The following RIC1 variants were observed in gnomAD, a reference collection of about 807,000 sequenced individuals.
The protein encoded by RIC1 is guanine nucleotide exchange factor subunit RIC1.
Under a neutral mutation model 169.0 loss-of-function variants are expected in RIC1, and 88 were observed. The observed-to-expected ratio is 0.52, with a 90% CI of 0.44 to 0.62. The LOEUF is 0.62. Among genes scored for constraint, RIC1 ranks in the 20% least tolerant of loss-of-function variants. RIC1 has a pLI of 0.00. For synonymous variants in RIC1, 790 were observed against 601.5 expected, an observed-to-expected ratio of 1.31 and a Z score of -4.59; for missense variants, 1,877 against 1,725.5, an observed-to-expected ratio of 1.09 and a Z score of -1.56.
intron 1 of RIC1, among the ~76,000 whole-genome samples, chr9:5,636,672 C>G (rs1392997590): frequency 6.6e-6 from 1 of 152,116 alleles, no homozygotes; most frequent in Non-Finnish European, 1.5e-5. Flanking sequence ...AGAAACACAA[C>G]TTATTCTTGT....
chr9:5,731,562 T>TA (rs1286813582), intron 6 of RIC1, among the ~76,000 whole-genome samples: 3 of 152,180 alleles, frequency 2.0e-5, no homozygotes, highest in African/African-American at 4.8e-5. Context: ...CTAACTGAAC[T>TA]AATGATTATG....
chr9:5,641,429 G>A (rs1297782966), intron 1 of RIC1, among the ~76,000 whole-genome samples: 2 of 152,050 alleles, frequency 1.3e-5, no homozygotes, highest in African/African-American at 4.8e-5. Context: ...TCTGCTTGGC[G>A]TTCTGTAACC....
rs187523403 is a variant in RIC1 at position 5,694,932 on chromosome 9, G to A, written c.332+4894G>A. ...ATTTTGTCCAGCTCTAGGCACTGTT[G>A]TAGATACTAGAGATCTAACAGTGGA... On this transcript the variant is annotated intron_variant, in intron 3 of 25. Coordinates refer to ENST00000414202, the MANE Select transcript of RIC1 (RefSeq NM_020829.4). Among the ~76,000 whole-genome samples, 8 of 152,034 alleles carry A rather than the reference G, an allele frequency of 5.3e-5. No homozygotes were observed. In the East Asian group the frequency reaches 5.8e-4, roughly 11 times the overall value.
intron 6 of RIC1, among the ~76,000 whole-genome samples, chr9:5,731,750 T>C (rs1824381947): frequency 6.6e-6 from 1 of 152,156 alleles, no homozygotes. Context: ...TCCTAAATAG[T>C]TTACATGTGT....
intron 3 of RIC1, among the ~76,000 whole-genome samples, chr9:5,702,455 G>A (rs996516767): frequency 5.9e-5 from 9 of 152,162 alleles, no homozygotes; most frequent in African/African-American, 9.7e-5. Context: ...CCTCTTACAC[G>A]GCCAGAGCAG....
intron 8 of RIC1, among the ~76,000 whole-genome samples, chr9:5,740,250 A>G (rs537325036): frequency 6.6e-6 from 1 of 152,172 alleles, no homozygotes; most frequent in Admixed American, 6.5e-5. Flanking sequence ...GCATAACTCT[A>G]TATAAACAGT....
At chr9:5,721,978 T>C (rs942024824) in intron 6 of RIC1, among the ~76,000 whole-genome samples, 1 of 151,388 alleles carries the variant, frequency 6.6e-6, no homozygotes, top group Admixed American at 6.6e-5. Flanking sequence ...AACCTCCGCC[T>C]CTCGGGTTCA....
At chr9:5,715,155 A>C (rs1823155651) in intron 4 of RIC1, among the ~76,000 whole-genome samples, 1 of 152,200 alleles carries the variant, frequency 6.6e-6, no homozygotes, top group Admixed American at 6.5e-5. Context: ...CCTTGGTCAC[A>C]AGGTTATTCA....
intron 2 of RIC1, among the ~76,000 whole-genome samples, chr9:5,684,046 C>T (rs971140692): frequency 6.6e-6 from 1 of 152,134 alleles, no homozygotes; most frequent in Non-Finnish European, 1.5e-5. Context: ...CGTCTGTCAC[C>T]CCTTTCTTTG....
chr9:5,718,169 T>A (rs1481073358), intron 4 of RIC1, among the ~76,000 whole-genome samples: 2 of 99,538 alleles, frequency 2.0e-5, no homozygotes, highest in East Asian at 1.3e-3. Flanking sequence ...AAAAAAAAGT[T>A]CAGTTCTTGC....
At position 5,765,466 on chromosome 9, in the gene RIC1, C is replaced by A; in HGVS notation, c.2894C>A (p.Thr965Lys). The change falls in exon 20 of 26, where the codon ACA becomes AAA. Residue 965 changes from threonine (T) to lysine (K), a missense_variant. Thr to Lys is a moderately conservative substitution (Grantham distance 78, BLOSUM62 -1). This residue lies in a region of RIC1 where 681 missense variants were observed against 582.0 expected (regional missense o/e 1.17). Transcript: ENST00000414202. Reference protein sequence around the residue: ...SRQHATLLFNTALEQGKWDLC... With the variant: ...SRQHATLLFNKALEQGKWDLC... ...CAACATGCTACCCTTCTATTCAACA[C>A]AGCACTAGAACAAGGCAAGTGGGAC... is the stretch of plus-strand genomic sequence containing the variant. The A allele has an allele frequency of 1.2e-6, 2 of 1,614,172 alleles. No homozygotes were observed. Among genetic ancestry groups the A allele is most frequent in the South Asian group, 1.1e-5 (1 of 91,090 alleles).
chr9:5,738,540 TGA>T lies in RIC1; in HGVS notation c.901+4_901+5del, dbSNP rs1472695374. On this transcript the variant is annotated splice_donor_region_variant and intron_variant, in intron 8 of 25. Coordinates refer to ENST00000414202, the MANE Select transcript of RIC1 (RefSeq NM_020829.4). ...AGCTAACAGCAAAACAGTATCCTGG[TGA>T]GTCTTTTTTTTTTTTTTTTTTTTTA... 2.9e-6 allele frequency: 4 copies of T among 1,396,268 alleles called. No homozygotes were observed. The highest frequency in any genetic ancestry group is 2.9e-6 in the Non-Finnish European group (3 of 1,037,436). The allele number at this position is 1,396,268 out of a possible 1,614,324, so 86.5% of individuals were successfully genotyped here.
chr9:5,651,512 C>A (rs1818798350), intron 1 of RIC1, among the ~76,000 whole-genome samples: 1 of 142,528 alleles, frequency 7.0e-6, no homozygotes, highest in African/African-American at 2.6e-5. Flanking sequence ...TTATGTTTTT[C>A]TTCCAGTAGT....
chr9:5,643,969 T>TA (rs1424490078), intron 1 of RIC1, among the ~76,000 whole-genome samples: 1 of 152,226 alleles, frequency 6.6e-6, no homozygotes. Context: ...ACAAATCTAC[T>TA]GTCCCCCAAG....
At chr9:5,772,538 T>G in intron 23 of RIC1, 26 bp from the exon 24 acceptor site, 1 of 1,546,570 alleles carries the variant, frequency 6.5e-7, no homozygotes, top group Non-Finnish European at 8.7e-7. Context: ...CGAAGTTGGT[T>G]GTAACTTTTG....
intron 3 of RIC1, among the ~76,000 whole-genome samples, chr9:5,698,635 T>C (rs1055251054): frequency 6.6e-6 from 1 of 152,202 alleles, no homozygotes; most frequent in African/African-American, 2.4e-5. Context: ...GAAAAAAATA[T>C]GGCAGTTGGA....
chr9:5,755,011 C>T (rs561665131), intron 15 of RIC1, 81 bp downstream of exon 15: 3 of 827,084 alleles, frequency 3.6e-6, no homozygotes, highest in Admixed American at 2.5e-5. Context: ...AGAAAATAGT[C>T]GATTGAAAAC....
intron 6 of RIC1, among the ~76,000 whole-genome samples, chr9:5,728,525 C>G (rs1490073472): frequency 6.6e-6 from 1 of 152,206 alleles, no homozygotes. Flanking sequence ...CTTGGGCTCA[C>G]ACTCCATGGG....
intron 1 of RIC1, among the ~76,000 whole-genome samples, chr9:5,632,306 G>T (rs1461654945): frequency 6.6e-6 from 1 of 152,140 alleles, no homozygotes. Flanking sequence ...AATTGTATGT[G>T]TACAGTGATA....
Sources: allele counts gnomAD v4.1 joint callset (sites outside exome capture counted in the v4.1 genomes callset), GRCh38; gene constraint gnomAD v4.1.1; regional missense constraint gnomAD v4.1.1; transcripts MANE v1.5; gene names NCBI Gene and HGNC (gene_info 2026-07-23, HGNC 2026-07-21).